The following SCUBE2 variants were observed in gnomAD, a reference collection of about 807,000 sequenced individuals.
SCUBE2 encodes the protein signal peptide, CUB and EGF-like domain-containing protein 2.
A neutral mutation model predicts 125.9 loss-of-function variants in SCUBE2; 114 were observed. The observed-to-expected ratio is 0.91, with a 90% CI of 0.78 to 1.06. The LOEUF is 1.06. Ranked by LOEUF, SCUBE2 falls within the 50% of genes least tolerant of loss-of-function variation. SCUBE2 has a pLI of 0.00. For missense variants in SCUBE2, 1,255 were observed against 1,301.8 expected, an observed-to-expected ratio of 0.96 and a Z score of 0.55; for synonymous variants, 459 against 492.9, an observed-to-expected ratio of 0.93 and a Z score of 0.91.
chr11:9,069,594 T>G (rs1391648828), intron 4 of SCUBE2, 99 bp from the exon 5 acceptor site: 2 of 1,474,916 alleles, frequency 1.4e-6, no homozygotes, highest in Admixed American at 3.8e-5. Context: ...CAGATCTGTC[T>G]GCTTAGGTCT....
chr11:9,030,017 G>C lies in SCUBE2; in HGVS notation c.2370C>G (p.Asn790Lys), dbSNP rs1856161837. Residue 790 changes from asparagine (N) to lysine (K), a missense_variant, in exon 19 of 23, where the codon AAC becomes AAG. Asn to Lys is a moderately conservative substitution (Grantham distance 94). Transcript: ENST00000649792. ...RVQCSPGHFYNTTTHRCIRCP... is the reference protein window; with the variant it reads ...RVQCSPGHFYKTTTHRCIRCP... Reference sequence around the variant, plus strand: ...AACGAATACATCGGTGAGTGGTGGTGTTGTAGAAATGTCCAGGTGAACATT... The same window carrying C: ...AACGAATACATCGGTGAGTGGTGGTCTTGTAGAAATGTCCAGGTGAACATT... 1.2e-6 allele frequency: 2 copies of C among 1,614,174 alleles called. No individual in the cohort carries two copies. Among genetic ancestry groups the C allele is most frequent in the Non-Finnish European group, 8.5e-7 (1 of 1,180,008 alleles).
chr11:9,063,413 T>A (rs1197797606), intron 7 of SCUBE2, among the ~76,000 whole-genome samples: 2 of 152,180 alleles, frequency 1.3e-5, no homozygotes, highest in Non-Finnish European at 1.5e-5. Context: ...GAGGAGAAGA[T>A]CCTGGAAGCT....
At chr11:9,051,009 A>G (rs1346912637) in intron 13 of SCUBE2, among the ~76,000 whole-genome samples, 1 of 152,104 alleles carries the variant, frequency 6.6e-6, no homozygotes, top group Non-Finnish European at 1.5e-5. Flanking sequence ...CTAAAAATAC[A>G]AAAATTAGCC....
intron 3 of SCUBE2, 69 bp from the exon 4 acceptor site, chr11:9,074,684 A>C: frequency 2.4e-5 from 37 of 1,569,650 alleles, no homozygotes; most frequent in Non-Finnish European, 3.1e-5. Flanking sequence ...CCAGCAGCTC[A>C]GGGGCCCTGC....
intron 16 of SCUBE2, among the ~76,000 whole-genome samples, chr11:9,040,215 G>A (rs542073856): frequency 3.9e-5 from 6 of 152,286 alleles, no homozygotes; most frequent in Non-Finnish European, 8.8e-5. Flanking sequence ...TTTCCTATGC[G>A]TGCTTATTCA....
At chr11:9,089,594 T>C in intron 2 of SCUBE2, 113 bp downstream of exon 2, 4 of 1,207,572 alleles carry the variant, frequency 3.3e-6, no homozygotes, top group Non-Finnish European at 4.7e-6. Flanking sequence ...ATTCAGGGGC[T>C]GGGGGAAAGG....
chr11:9,088,427 G>A (rs931970147), intron 2 of SCUBE2, among the ~76,000 whole-genome samples: 8 of 152,236 alleles, frequency 5.3e-5, no homozygotes, highest in Admixed American at 3.9e-4. Context: ...TCCTGGCCGG[G>A]GATGAGGAGG....
chr11:9,090,642 T>C (rs1862607431), intron 1 of SCUBE2, among the ~76,000 whole-genome samples: 1 of 151,982 alleles, frequency 6.6e-6, no homozygotes, highest in African/African-American at 2.4e-5. Context: ...TCGGAGCAGA[T>C]GTCATCCAGG....
intron 21 of SCUBE2, chr11:9,024,469 A>G: frequency 8.3e-7 from 1 of 1,208,314 alleles, no homozygotes; most frequent in Non-Finnish European, 1.1e-6. Flanking sequence ...AAGCCATAGA[A>G]TATTGTCTTC....
At chr11:9,059,545 G>T in intron 8 of SCUBE2, 120 bp from the exon 9 acceptor site, 2 of 1,262,074 alleles carry the variant, frequency 1.6e-6, no homozygotes, top group Non-Finnish European at 2.1e-6. Flanking sequence ...ACTCACAAAA[G>T]CATTTAAGAA....
intron 2 of SCUBE2, among the ~76,000 whole-genome samples, chr11:9,082,329 T>C (rs1415839405): frequency 6.6e-6 from 1 of 152,240 alleles, no homozygotes; most frequent in Non-Finnish European, 1.5e-5. Context: ...TTCAAAATTT[T>C]TAAATTTTCA....
intron 2 of SCUBE2, among the ~76,000 whole-genome samples, chr11:9,083,968 C>A (rs1294091096): frequency 6.6e-6 from 1 of 152,070 alleles, no homozygotes; most frequent in Non-Finnish European, 1.5e-5. Flanking sequence ...GATGAGTATG[C>A]GTACATGTAT....
At position 9,025,735 on chromosome 11, in the gene SCUBE2, TA is replaced by T; in HGVS notation, c.2820del (p.Arg941GlufsTer8). 6.2e-7 allele frequency: 1 copy of T among 1,614,182 alleles called. No homozygotes were observed. The highest frequency in any genetic ancestry group is 2.2e-5 in the East Asian group (1 of 44,888). On this transcript the variant is annotated frameshift_variant, in exon 21 of 23. Coordinates refer to ENST00000649792, the MANE Select transcript of SCUBE2 (RefSeq NM_001367977.2). LOFTEE classifies it high-confidence loss of function. ...IQFKSNEGNS[A>X]RGFQVPYVTY... ...GTCACGTATGGGACCTGGAACCCTCTAGCGCTGTTCCCTTCATTGGACTTGA... is the reference window on the plus strand; with the variant it reads ...GTCACGTATGGGACCTGGAACCCTCTGCGCTGTTCCCTTCATTGGACTTGA...
chr11:9,078,691 G>T (rs1302773509), intron 3 of SCUBE2, among the ~76,000 whole-genome samples: 1 of 152,180 alleles, frequency 6.6e-6, no homozygotes, highest in Non-Finnish European at 1.5e-5. Flanking sequence ...TTCCCATGAT[G>T]TTCTCCTGTA....
At chr11:9,078,309 C>T (rs545022028) in intron 3 of SCUBE2, among the ~76,000 whole-genome samples, 9 of 152,330 alleles carry the variant, frequency 5.9e-5, no homozygotes, top group Admixed American at 2.6e-4. Context: ...CGTGATGTGT[C>T]ACCCAAAGCC....
chr11:9,029,693 AG>A (rs984223019), intron 19 of SCUBE2, among the ~76,000 whole-genome samples, 190 bp downstream of exon 19: 19 of 152,262 alleles, frequency 1.2e-4, no homozygotes, highest in Admixed American at 1.2e-3. Flanking sequence ...GGATCAATAA[AG>A]ATGAGTCGCT....
At chr11:9,085,465 G>A (rs1340794064) in intron 2 of SCUBE2, among the ~76,000 whole-genome samples, 3 of 152,206 alleles carry the variant, frequency 2.0e-5, no homozygotes, top group African/African-American at 7.2e-5. Context: ...GGTGGCTCAT[G>A]CATGTAATCC....
chr11:9,048,139 A>C (rs1857991458), intron 14 of SCUBE2, 41 bp from the exon 15 acceptor site: 1 of 1,586,396 alleles, frequency 6.3e-7, no homozygotes, highest in African/African-American at 1.4e-5. Flanking sequence ...AAATCCTGGC[A>C]AAGCACTCAG....
At chr11:9,072,366 G>A (rs961614558) in intron 4 of SCUBE2, among the ~76,000 whole-genome samples, 1 of 152,090 alleles carries the variant, frequency 6.6e-6, no homozygotes, top group East Asian at 1.9e-4. Context: ...CCACCACCAC[G>A]CCCGGCTAAT....
Sources: allele counts gnomAD v4.1 joint callset (sites outside exome capture counted in the v4.1 genomes callset), GRCh38; gene constraint gnomAD v4.1.1; transcripts MANE v1.5; gene names NCBI Gene and HGNC (gene_info 2026-07-23, HGNC 2026-07-21).